The following CACNA1B variants were observed in gnomAD, a reference collection of about 807,000 sequenced individuals.
CACNA1B encodes the protein calcium voltage-gated channel subunit alpha1 B.
In CACNA1B, 70 loss-of-function variants were observed where a neutral mutation model predicts 247.2. The ratio of observed to expected loss-of-function variants is 0.28; its 90% CI spans 0.23 to 0.35. The LOEUF is 0.35. CACNA1B is among the 10% of genes least tolerant of loss of function. CACNA1B has a pLI of 1.00. For missense variants in CACNA1B, 2,367 were observed against 3,197.4 expected (o/e 0.74, Z 6.26); for synonymous variants, 1,231 against 1,294.4 (o/e 0.95, Z 1.05).
intron 18 of CACNA1B, chr9:138,017,228 TC>T: frequency 1.9e-6 from 1 of 518,684 alleles, no homozygotes; most frequent in South Asian, 1.4e-5. Flanking sequence ...CGATATTCCA[TC>T]CATGGCTTCA....
In CACNA1B at chr9:138,074,047, A is replaced by G. The variant is rs1356706306; in HGVS notation, c.4838A>G (p.Tyr1613Cys). ...CTCATTGCCATGCTGTTCTTCATCT[A>G]CGCCATCATCGGCATGCAGGTGGGT... ...CLLIAMLFFI[Y>C]AIIGMQVFGN... Residue 1613 changes from tyrosine (Y) to cysteine (C), a missense_variant, in exon 34 of 47, where the codon TAC becomes TGC. Transcript: ENST00000371372. The G allele has an allele frequency of 1.2e-6, 2 of 1,612,810 alleles. No homozygotes were observed. Among genetic ancestry groups the G allele is most frequent in the Non-Finnish European group, 1.7e-6 (2 of 1,179,746 alleles).
chr9:137,880,032 C>T lies in CACNA1B; in HGVS notation c.390+873C>T, dbSNP rs958050249. Reference sequence around the variant, plus strand: ...GCCAGAGGCGTCCAGGAGACGGCCTCTCTGGGGTGTCAGGAGCTGCTCCCT... The same window carrying T: ...GCCAGAGGCGTCCAGGAGACGGCCTTTCTGGGGTGTCAGGAGCTGCTCCCT... On this transcript the variant is annotated intron_variant, in intron 2 of 46. Transcript: ENST00000371372. The surrounding 1 kb of genome is among the most constrained non-coding windows in gnomAD (Gnocchi z 4.8). 6.6e-6 allele frequency among the ~76,000 whole-genome samples: 1 copy of T among 152,202 alleles called. No individual in the cohort carries two copies. Among genetic ancestry groups the T allele is most frequent in the African/African-American group, 2.4e-5 (1 of 41,438 alleles).
chr9:138,042,843 C>T (rs917359928), intron 20 of CACNA1B, among the ~76,000 whole-genome samples: 3 of 152,154 alleles, frequency 2.0e-5, no homozygotes, highest in Non-Finnish European at 4.4e-5. Flanking sequence ...GCCTCCACAG[C>T]GGGCTCTGGG....
intron 3 of CACNA1B, among the ~76,000 whole-genome samples, chr9:137,898,511 CT>C (rs1447488992): frequency 2.6e-5 from 4 of 151,250 alleles, no homozygotes; most frequent in African/African-American, 9.7e-5. Context: ...TTTTTTCTTT[CT>C]TTTTATTTTT....
chr9:138,059,596 T>A lies in CACNA1B; in HGVS notation c.4585-58T>A, dbSNP rs1439339329. The A allele has an allele frequency of 3.0e-6, 3 of 997,138 alleles. No individual in the cohort carries two copies. The African/African-American group carries it at 4.8e-5, about 16-fold the overall frequency. 61.8% of individuals were successfully genotyped at this position (997,138 alleles called of 1,614,324 possible). A position where few individuals can be genotyped will look rare whatever the true frequency, so the allele number is the denominator to read the frequency against. ...ATCAGGGCCACCACCTATATATACCTCTTTGCCAACAGAGCCCTCATCAGC... is the reference window on the plus strand; with the variant it reads ...ATCAGGGCCACCACCTATATATACCACTTTGCCAACAGAGCCCTCATCAGC... On this transcript the variant is annotated intron_variant, in intron 30 of 46. Transcript: ENST00000371372. The surrounding 1 kb of genome is among the most constrained non-coding windows in gnomAD (Gnocchi z 4.2).
rs563227597 is a variant in CACNA1B at position 138,011,059 on chromosome 9, C to T, written c.2160+982C>T. Reference sequence around the variant, plus strand: ...CTTCTGCTCAGCCTTCTTACTCCCACGCCTCCAGACCTGGGCCATGGCCAT... The same window carrying T: ...CTTCTGCTCAGCCTTCTTACTCCCATGCCTCCAGACCTGGGCCATGGCCAT... On this transcript the variant is annotated intron_variant, in intron 17 of 46. Transcript: ENST00000371372. The surrounding 1 kb of genome is among the most constrained non-coding windows in gnomAD (Gnocchi z 4.2). Among the ~76,000 whole-genome samples the T allele has an allele frequency of 9.2e-5, 14 of 152,350 alleles. No homozygotes were observed. The highest frequency in any genetic ancestry group is 1.7e-4 in the African/African-American group (7 of 41,588).
chr9:138,029,033 A>G (rs978751559), intron 20 of CACNA1B, among the ~76,000 whole-genome samples: 11 of 152,230 alleles, frequency 7.2e-5, no homozygotes, highest in African/African-American at 2.7e-4. Flanking sequence ...ATCCTGCCTG[A>G]GAGTTGTTCC....
At chr9:138,117,387 AC>A (rs1395554323) in intron 42 of CACNA1B, among the ~76,000 whole-genome samples, 1 of 151,418 alleles carries the variant, frequency 6.6e-6, no homozygotes, top group Non-Finnish European at 1.5e-5. Flanking sequence ...GAGGCCCCCT[AC>A]CCCCCGTCCC....
rs560258864 is a variant in CACNA1B, at chr9:138,012,701, G to A, written c.2161-428G>A. Among the ~76,000 whole-genome samples the A allele has an allele frequency of 2.0e-5, 3 of 150,752 alleles. No homozygotes were observed. Among genetic ancestry groups the A allele is most frequent in the East Asian group, 3.9e-4 (2 of 5,134 alleles). ...TGCCCTCCAGCTTGGGTGACAGAGC[G>A]AGACCCTGTCTCTAAAAAAAAAAAA... is the stretch of plus-strand genomic sequence containing the variant. On this transcript the variant is annotated intron_variant, in intron 17 of 46. Transcript: ENST00000371372. This position sits in a 1 kb window ranked among gnomAD's most constrained non-coding sequence, Gnocchi z 4.2.
At chr9:137,977,687 G>A (rs1334112931) in intron 12 of CACNA1B, among the ~76,000 whole-genome samples, 3 of 152,188 alleles carry the variant, frequency 2.0e-5, no homozygotes, top group African/African-American at 7.2e-5. Context: ...TCCTGCTGGA[G>A]GCTGGGAATG....
chr9:137,931,490 A>C (rs771151316), intron 6 of CACNA1B, among the ~76,000 whole-genome samples: 37 of 151,566 alleles, frequency 2.4e-4, no homozygotes, highest in Non-Finnish European at 4.7e-4. Flanking sequence ...TTTCCTTTTG[A>C]TTTAGTTCTA....
At position 137,881,097 on chromosome 9, in the gene CACNA1B, C is replaced by G. The variant is rs1051220407; in HGVS notation, c.391-1647C>G. 6.6e-6 allele frequency among the ~76,000 whole-genome samples: 1 copy of G among 152,232 alleles called. No homozygotes were observed. The highest frequency in any genetic ancestry group is 2.4e-5 in the African/African-American group (1 of 41,464). On this transcript the variant is annotated intron_variant, in intron 2 of 46. Coordinates refer to ENST00000371372, the MANE Select transcript of CACNA1B (RefSeq NM_000718.4). This position sits in a 1 kb window ranked among gnomAD's most constrained non-coding sequence, Gnocchi z 4.3. ...GGCTGGTCCTTCCTAGGCGTCGGGC[C>G]TGTTCTCTTTTTCACCAGGAAGTTT...
Position 137,957,684 on chromosome 9 carries a change from G to A in CACNA1B, c.1330G>A (p.Val444Ile), listed in dbSNP as rs777089428. The change falls in exon 10 of 47, where the codon GTT becomes ATT. Residue 444 changes from valine to isoleucine, a missense_variant. Val to Ile is a conservative substitution (Grantham distance 29). This residue lies in a region of CACNA1B where 219 missense variants were observed against 297.6 expected (regional missense o/e 0.74). Transcript: ENST00000371372. The surrounding 1 kb of genome is among the most constrained non-coding windows in gnomAD (Gnocchi z 4.7). Reference sequence around the variant, plus strand: ...GGACCGGTTTGCAGATCTCTGTGCTGTTGGTGAGTCTCAGGGTGTCCCTCC... The same window carrying A: ...GGACCGGTTTGCAGATCTCTGTGCTATTGGTGAGTCTCAGGGTGTCCCTCC... Reference protein sequence around the residue: ...GEDRFADLCAVGSPFARASLK... With the variant: ...GEDRFADLCAIGSPFARASLK... 6.9e-6 allele frequency: 11 copies of A among 1,590,472 alleles called. 1 individual carries two copies. The highest frequency in any genetic ancestry group is 9.4e-6 in the Non-Finnish European group (11 of 1,168,056).
intron 1 of CACNA1B, among the ~76,000 whole-genome samples, chr9:137,878,456 C>T (rs532745038): frequency 1.3e-5 from 2 of 152,248 alleles, no homozygotes; most frequent in South Asian, 4.1e-4. Flanking sequence ...ACGCCGGGTC[C>T]TGGGGATCCT....
intron 37 of CACNA1B, among the ~76,000 whole-genome samples, 168 bp downstream of exon 37, chr9:138,096,779 G>A (rs1961070317): frequency 6.8e-6 from 1 of 147,950 alleles, no homozygotes; most frequent in South Asian, 2.3e-4. Context: ...TGTCCCCTCC[G>A]AGCAGCACCT....
Position 137,895,764 on chromosome 9 carries a change from C to T in CACNA1B, c.530+12881C>T, listed in dbSNP as rs59958814. On this transcript the variant is annotated intron_variant, in intron 3 of 46. Transcript: ENST00000371372. ...CTCTGGAATTTCCTATGTTGACAAA[C>T]ACGTCATCTGCAAAGAGGAACAGCT... 2.2e-3 allele frequency among the ~76,000 whole-genome samples: 334 copies of T among 152,294 alleles called. 3 individuals carry two copies. Among genetic ancestry groups the T allele is most frequent in the African/African-American group, 7.7e-3 (320 of 41,578 alleles).
intron 37 of CACNA1B, among the ~76,000 whole-genome samples, chr9:138,098,465 C>G (rs1217733687): frequency 6.6e-6 from 1 of 151,746 alleles, no homozygotes. Flanking sequence ...TTGCAGAAAA[C>G]AGAGATACTT....
chr9:138,099,204 CTG>C lies in CACNA1B; in HGVS notation c.5222+2596_5222+2597del, dbSNP rs768259361. Reference sequence around the variant, plus strand: ...TGCACAGTGTGACCACATGTGCACTCTGTGCATGTGTACATGTGTGTTGTGCA... The same window carrying C: ...TGCACAGTGTGACCACATGTGCACTCTGCATGTGTACATGTGTGTTGTGCA... On this transcript the variant is annotated intron_variant, in intron 37 of 46. Coordinates refer to ENST00000371372, the MANE Select transcript of CACNA1B (RefSeq NM_000718.4). 4.6e-5 allele frequency among the ~76,000 whole-genome samples: 7 copies of C among 152,200 alleles called. No homozygotes were observed. The South Asian group carries it at 8.3e-4, about 18-fold the overall frequency.
At chr9:138,067,038 T>G (rs2133523350) in intron 31 of CACNA1B, among the ~76,000 whole-genome samples, 1 of 151,850 alleles carries the variant, frequency 6.6e-6, no homozygotes, top group Non-Finnish European at 1.5e-5. Context: ...GGGAGAGGGG[T>G]CATGATGGTA....
Sources: gnomAD v4.1 joint callset for allele counts (sites outside exome capture counted in the v4.1 genomes callset) on GRCh38, gnomAD v4.1.1 for gene constraint, gnomAD v4.1.1 regional missense constraint, Gnocchi (gnomAD v3.1) non-coding constraint, MANE v1.5 for transcripts, NCBI Gene and HGNC (gene_info 2026-07-23, HGNC 2026-07-21) for gene names.